Variants in FGFR1 observed in about 807,000 individuals in gnomAD.
The protein encoded by FGFR1 is FGFR1/PLAG1 fusion.
FGFR1 carries 18 observed loss-of-function variants against 93.7 expected under a neutral mutation model. The observed-to-expected ratio is 0.19, with a 90% CI of 0.13 to 0.28. The LOEUF (loss-of-function observed/expected upper bound fraction) is 0.28. Ranked by LOEUF, FGFR1 falls within the 10% of genes least tolerant of loss-of-function variation. The pLI is 1.00. For synonymous variants in FGFR1, 448 were observed against 429.3 expected (o/e 1.04, Z -0.54); for missense variants, 731 against 1,080.4 (o/e 0.68, Z 4.53).
chr8:38,468,260 C>T lies in FGFR1; in HGVS notation c.-368G>A, dbSNP rs905513160. 27 of 228,594 alleles carry T rather than the reference C, an allele frequency of 1.2e-4. No individual in the cohort carries two copies. Among genetic ancestry groups the T allele is most frequent in the Non-Finnish European group, 2.2e-4 (25 of 114,986 alleles). 14.2% of individuals were successfully genotyped at this position (228,594 alleles called of 1,614,324 possible). ...GGGTCTCCAGACCTTGTGCCCCCCTCCTCCAGAACGCAGCGGCGGCGCCTC... is the reference window on the plus strand; with the variant it reads ...GGGTCTCCAGACCTTGTGCCCCCCTTCTCCAGAACGCAGCGGCGGCGCCTC... On this transcript the variant is annotated 5_prime_UTR_variant, in exon 1 of 18. Transcript: ENST00000447712.
intron 2 of FGFR1, among the ~76,000 whole-genome samples, chr8:38,439,097 C>T (rs898920139): frequency 8.5e-5 from 13 of 152,130 alleles, no homozygotes; most frequent in African/African-American, 2.9e-4. Context: ...TTTCATAGGG[C>T]CTGCTTCCTT....
rs1586051946 is a variant in FGFR1 at position 38,411,159 on chromosome 8, T to C, written c.*2469A>G. On this transcript the variant is annotated 3_prime_UTR_variant, in exon 18 of 18. Coordinates refer to ENST00000447712, the MANE Select transcript of FGFR1 (RefSeq NM_023110.3). ...TCTCTCAGGTCAATTTCACTGTCTT[T>C]TATTTGACAGCTAGCGCAGTCTTTG... 5.1e-6 allele frequency: 1 copy of C among 194,390 alleles called. No individual in the cohort carries two copies. Among genetic ancestry groups the C allele is most frequent in the Non-Finnish European group, 1.1e-5 (1 of 93,240 alleles). 12.0% of individuals were successfully genotyped at this position (194,390 alleles called of 1,614,324 possible).
At chr8:38,423,016 C>T in intron 7 of FGFR1, 1 of 779,640 alleles carries the variant, frequency 1.3e-6, no homozygotes, top group Non-Finnish European at 2.4e-6. Flanking sequence ...CCATCCATCT[C>T]CCCATTACCT....
chr8:38,434,495 T>C (rs370195811), intron 2 of FGFR1: 4 of 398,250 alleles, frequency 1.0e-5, no homozygotes, highest in African/African-American at 2.1e-5. Flanking sequence ...GCTTGTGGAT[T>C]CTCATCTGGA....
rs1814792559 is a variant in FGFR1, at chr8:38,412,756, G to C, written c.*872C>G. The C allele has an allele frequency of 4.3e-6, 1 of 233,402 alleles. No individual in the cohort carries two copies. The highest frequency in any genetic ancestry group is 6.0e-5 in the East Asian group (1 of 16,554). 14.5% of individuals were successfully genotyped at this position (233,402 alleles called of 1,614,324 possible). On this transcript the variant is annotated 3_prime_UTR_variant, in exon 18 of 18. Transcript: ENST00000447712. The stretch of plus-strand genomic sequence containing the variant: ...GAAGCAGCAGCAATTTTTATTGAGG[G>C]ACCTAAACTGAAAATAGGTTTAGAA...
rs532161964 is a variant in FGFR1 at position 38,449,919 on chromosome 8, G to A, written c.91+7437C>T. ...CAGGAGAAGGGAGGGAACTCTGAGG[G>A]TAGAAGTTCAATGTCTCTTGGTGCC... is the stretch of plus-strand genomic sequence containing the variant. On this transcript the variant is annotated intron_variant, in intron 2 of 17. Transcript: ENST00000447712. Among the ~76,000 whole-genome samples, 20 of 152,376 alleles carry A rather than the reference G, an allele frequency of 1.3e-4. No individual in the cohort carries two copies. In the South Asian group the frequency reaches 3.9e-3, roughly 30 times the overall value.
intron 1 of FGFR1, among the ~76,000 whole-genome samples, chr8:38,467,026 C>G (rs1835718164): frequency 6.6e-6 from 1 of 151,982 alleles, no homozygotes; most frequent in South Asian, 2.1e-4. Flanking sequence ...TTTCTCCCAA[C>G]CCCAAACATA....
chr8:38,411,411 A>C lies in FGFR1; in HGVS notation c.*2217T>G, dbSNP rs977062081. The stretch of plus-strand genomic sequence containing the variant: ...TCAAAGCAAATGCTTTTAAGAGCTA[A>C]AAATTCATTTCCTAGTTCTGTTCAC... On this transcript the variant is annotated 3_prime_UTR_variant, in exon 18 of 18. Transcript: ENST00000447712. 4.5e-6 allele frequency: 1 copy of C among 223,006 alleles called. No individual in the cohort carries two copies. The highest frequency in any genetic ancestry group is 2.2e-5 in the African/African-American group (1 of 44,784). 13.8% of individuals were successfully genotyped at this position (223,006 alleles called of 1,614,324 possible). A position where few individuals can be genotyped will look rare whatever the true frequency, so the allele number is the denominator to read the frequency against.
At chr8:38,422,969 C>A (rs1819362554) in intron 7 of FGFR1, 1 of 769,248 alleles carries the variant, frequency 1.3e-6, no homozygotes, top group South Asian at 1.4e-5. Flanking sequence ...CCTGCCCCAG[C>A]AGCTTGGGGC....
intron 8 of FGFR1, 36 bp downstream of exon 8, chr8:38,421,760 AG>A (rs779465664): frequency 1.2e-6 from 2 of 1,609,980 alleles, no homozygotes; most frequent in Admixed American, 3.3e-5. Flanking sequence ...GCCCGTGGCG[AG>A]GGCAGGACAT....
chr8:38,415,089 G>A (rs887877444), intron 13 of FGFR1, among the ~76,000 whole-genome samples, 188 bp from the exon 14 acceptor site: 2 of 152,092 alleles, frequency 1.3e-5, no homozygotes, highest in East Asian at 1.9e-4. Flanking sequence ...CACAGCAAGC[G>A]CTCCTCCCTT....
At position 38,413,614 on chromosome 8, in the gene FGFR1, C is replaced by T. The variant is rs371776128; in HGVS notation, c.*14G>A. The T allele has an allele frequency of 5.8e-5, 92 of 1,598,698 alleles. No individual in the cohort carries two copies. The highest frequency in any genetic ancestry group is 6.8e-5 in the Non-Finnish European group (80 of 1,173,944). Reference sequence around the variant, plus strand: ...AGCTGACGGTGGAGTCTGGGGAGGGCGTGTGGGTGGCAGTCAGCGGCGTTT... The same window carrying T: ...AGCTGACGGTGGAGTCTGGGGAGGGTGTGTGGGTGGCAGTCAGCGGCGTTT... On this transcript the variant is annotated 3_prime_UTR_variant, in exon 18 of 18. Coordinates refer to ENST00000447712, the MANE Select transcript of FGFR1 (RefSeq NM_023110.3). This position sits in a 1 kb window ranked among gnomAD's most constrained non-coding sequence, Gnocchi z 4.2.
intron 5 of FGFR1, among the ~76,000 whole-genome samples, chr8:38,427,532 G>A (rs1414220208): frequency 6.6e-6 from 1 of 152,144 alleles, no homozygotes; most frequent in Non-Finnish European, 1.5e-5. Context: ...CGCCCACCTC[G>A]GCCTCCCAAA....
intron 2 of FGFR1, among the ~76,000 whole-genome samples, chr8:38,450,761 T>C (rs938673418): frequency 1.3e-5 from 2 of 152,088 alleles, no homozygotes; most frequent in African/African-American, 4.8e-5. Context: ...CCTGAGAAAT[T>C]CCTCCTCCCT....
intron 12 of FGFR1, 29 bp from the exon 13 acceptor site, chr8:38,416,089 G>A (rs767582380): frequency 2.9e-5 from 46 of 1,593,378 alleles, no homozygotes; most frequent in Non-Finnish European, 3.4e-5. Flanking sequence ...AGGCCATGGG[G>A]CCAGCAGCAG....
intron 9 of FGFR1, among the ~76,000 whole-genome samples, chr8:38,419,171 A>C (rs1817814555): frequency 6.6e-6 from 1 of 152,184 alleles, no homozygotes; most frequent in Non-Finnish European, 1.5e-5. Context: ...CAGCAGTGTG[A>C]AAATGGACTA....
At chr8:38,428,229 CAGAA>C (rs1821485698) in intron 4 of FGFR1, 113 bp downstream of exon 4, 12 of 1,459,816 alleles carry the variant, frequency 8.2e-6, no homozygotes, top group Non-Finnish European at 1.1e-5. Context: ...TGGCACTTAG[CAGAA>C]CAGGCACCGT....
At chr8:38,446,997 T>G (rs1829498564) in intron 2 of FGFR1, among the ~76,000 whole-genome samples, 1 of 151,864 alleles carries the variant, frequency 6.6e-6, no homozygotes, top group Non-Finnish European at 1.5e-5. Flanking sequence ...GTTCCATTGA[T>G]TATTCTAGGC....
At chr8:38,467,476 G>T (rs1027166264) in intron 1 of FGFR1, among the ~76,000 whole-genome samples, 1 of 152,148 alleles carries the variant, frequency 6.6e-6, no homozygotes, top group Non-Finnish European at 1.5e-5. Flanking sequence ...GATTTTTAGC[G>T]TTGAGCCCAA....
Sources: allele counts gnomAD v4.1 joint callset (sites outside exome capture counted in the v4.1 genomes callset), GRCh38; gene constraint gnomAD v4.1.1; non-coding constraint Gnocchi (gnomAD v3.1); transcripts MANE v1.5; gene names NCBI Gene and HGNC (gene_info 2026-07-23, HGNC 2026-07-21).